AAK1: variants seen among roughly 807,000 people sequenced by gnomAD.
The protein encoded by AAK1 is AP2 associated kinase 1, also known as AP2-associated protein kinase 1.
A neutral mutation model predicts 116.0 loss-of-function variants in AAK1; 37 were observed. That is an observed-to-expected ratio of 0.32 (90% CI 0.25 to 0.42). The LOEUF (loss-of-function observed/expected upper bound fraction) is 0.42, where lower values mean the gene tolerates loss of function less well. Ranked by LOEUF, AAK1 falls within the 10% of genes least tolerant of loss-of-function variation. AAK1 has a pLI of 1.00. For missense variants in AAK1, 919 were observed against 1,170.6 expected (o/e 0.79, Z 3.14); for synonymous variants, 458 against 439.9 (o/e 1.04, Z -0.51).
intron 13 of AAK1, among the ~76,000 whole-genome samples, chr2:69,511,293 C>T (rs1676385671): frequency 6.6e-6 from 1 of 152,174 alleles, no homozygotes; most frequent in Non-Finnish European, 1.5e-5. Flanking sequence ...TATTGACTGC[C>T]CTCATCTTGT....
chr2:69,476,965 T>A lies in AAK1; in HGVS notation c.2706A>T (p.Ser902=), dbSNP rs1572876517. The part of the protein sequence containing the change: ...HKAAEDSNLI[S]GFDVPEGSDK... ...CCGAGCCCTCAGGGACATCAAAACC[T>A]GAGATGAGATTACTATCTTCTGCAG... Residue 902 remains serine, a synonymous_variant, in exon 21 of 22, where the codon TCA becomes TCT. Coordinates refer to ENST00000409085, the MANE Select transcript of AAK1 (RefSeq NM_014911.5). The A allele has an allele frequency of 1.2e-6, 2 of 1,612,886 alleles. No individual in the cohort carries two copies. The highest frequency in any genetic ancestry group is 2.2e-5 in the East Asian group (1 of 44,822).
chr2:69,492,497 A>G (rs1463983216), intron 17 of AAK1, among the ~76,000 whole-genome samples: 2 of 136,394 alleles, frequency 1.5e-5, no homozygotes, highest in Admixed American at 7.9e-5. Flanking sequence ...TACAGGCGTG[A>G]GCCACCGTGC....
Position 69,468,431 on chromosome 2 carries a change from G to C in AAK1, c.*7438C>G, listed in dbSNP as rs1192997387. Reference sequence around the variant, plus strand: ...GAACCACCTTCCTCACATAGTATCAGTTGGACAAAGTTTTCAGTTGCCAAA... The same window carrying C: ...GAACCACCTTCCTCACATAGTATCACTTGGACAAAGTTTTCAGTTGCCAAA... On this transcript the variant is annotated 3_prime_UTR_variant, in exon 22 of 22. Coordinates refer to ENST00000409085, the MANE Select transcript of AAK1 (RefSeq NM_014911.5). The C allele has an allele frequency of 2.0e-6, 2 of 985,316 alleles. No individual in the cohort carries two copies. Among genetic ancestry groups the C allele is most frequent in the Non-Finnish European group, 2.4e-6 (2 of 829,942 alleles). 61.0% of individuals were successfully genotyped at this position (985,316 alleles called of 1,614,324 possible).
At chr2:69,630,352 G>C (rs1388548852) in intron 2 of AAK1, among the ~76,000 whole-genome samples, 1 of 133,570 alleles carries the variant, frequency 7.5e-6, no homozygotes, top group African/African-American at 2.7e-5. Flanking sequence ...GGGGGGGAGG[G>C]GGAGGGAGAG....
intron 20 of AAK1, chr2:69,478,611 G>T: frequency 4.0e-6 from 1 of 250,404 alleles, no homozygotes. Flanking sequence ...TGCTGCCATG[G>T]CTGGCTAATT....
Position 69,459,016 on chromosome 2 carries a change from G to T in AAK1, c.*16853C>A, listed in dbSNP as rs1366161806. 6.6e-6 allele frequency: 1 copy of T among 152,092 alleles called. No homozygotes were observed. The highest frequency in any genetic ancestry group is 1.5e-5 in the Non-Finnish European group (1 of 68,030). 9.4% of individuals were successfully genotyped at this position (152,092 alleles called of 1,614,324 possible). A position where few individuals can be genotyped will look rare whatever the true frequency, so the allele number is the denominator to read the frequency against. ...ACATCCTTCTATTAGAAATGGCTGG[G>T]GGACAGCTGAGAATAAATTTATGGA... is the stretch of plus-strand genomic sequence containing the variant. On this transcript the variant is annotated 3_prime_UTR_variant, in exon 22 of 22. Coordinates refer to ENST00000409085, the MANE Select transcript of AAK1 (RefSeq NM_014911.5).
At chr2:69,554,228 C>T (rs541689092) in intron 3 of AAK1, among the ~76,000 whole-genome samples, 6 of 152,006 alleles carry the variant, frequency 3.9e-5, no homozygotes, top group Non-Finnish European at 5.9e-5. Context: ...AATAATCAGC[C>T]GAGGTTCCTC....
At chr2:69,499,792 GA>G (rs527390682) in intron 16 of AAK1, 1 of 152,224 alleles carries the variant, frequency 6.6e-6, no homozygotes, top group Admixed American at 6.5e-5. Context: ...AGTCATATTT[GA>G]AAAAAATTTA....
chr2:69,522,395 T>G (rs1311402679), intron 10 of AAK1, among the ~76,000 whole-genome samples: 2 of 152,174 alleles, frequency 1.3e-5, no homozygotes, highest in Admixed American at 1.3e-4. Context: ...GATGCTCTTG[T>G]GCCGGTTGGG....
At chr2:69,510,709 T>C (rs1289411913) in intron 13 of AAK1, among the ~76,000 whole-genome samples, 1 of 152,234 alleles carries the variant, frequency 6.6e-6, no homozygotes, top group Non-Finnish European at 1.5e-5. Flanking sequence ...GTTAAGGCTC[T>C]TTATTTCACT....
chr2:69,474,959 C>A lies in AAK1; in HGVS notation c.*910G>T. On this transcript the variant is annotated 3_prime_UTR_variant, in exon 22 of 22. Transcript: ENST00000409085. ...ATCTGTTTCTGCTACAATTCCTTCCCCTCCCCATCCTCCCCCCACCCCCGC... is the reference window on the plus strand; with the variant it reads ...ATCTGTTTCTGCTACAATTCCTTCCACTCCCCATCCTCCCCCCACCCCCGC... 1 of 941,546 alleles carries A rather than the reference C, an allele frequency of 1.1e-6. No homozygotes were observed. Among genetic ancestry groups the A allele is most frequent in the Non-Finnish European group, 1.3e-6 (1 of 791,826 alleles). 58.3% of individuals were successfully genotyped at this position (941,546 alleles called of 1,614,324 possible). A position where few individuals can be genotyped will look rare whatever the true frequency, so the allele number is the denominator to read the frequency against.
At chr2:69,514,833 C>G in intron 12 of AAK1, 84 bp from the exon 13 acceptor site, 1 of 1,434,856 alleles carries the variant, frequency 7.0e-7, no homozygotes, top group South Asian at 1.5e-5. Context: ...CAATGAAGAC[C>G]AGTGCTAAAG....
chr2:69,643,176 T>TG lies in AAK1; in HGVS notation c.-137dup. 7.0e-7 allele frequency: 1 copy of TG among 1,420,544 alleles called. No homozygotes were observed. Among genetic ancestry groups the TG allele is most frequent in the South Asian group, 1.6e-5 (1 of 63,826 alleles). The allele number at this position is 1,420,544 out of a possible 1,614,324, so 88.0% of individuals were successfully genotyped here. Reference sequence around the variant, plus strand: ...GAGAGGAGCCACCCGAATCCGGCCGTGGGGGTGGGGGCTGAGGGAGGATGC... The same window carrying TG: ...GAGAGGAGCCACCCGAATCCGGCCGTGGGGGGTGGGGGCTGAGGGAGGATGC... On this transcript the variant is annotated 5_prime_UTR_variant, in exon 2 of 22. Transcript: ENST00000409085.
At chr2:69,508,899 G>A (rs1209507655) in intron 14 of AAK1, among the ~76,000 whole-genome samples, 1 of 152,204 alleles carries the variant, frequency 6.6e-6, no homozygotes, top group Non-Finnish European at 1.5e-5. Context: ...TCAGCGTGGA[G>A]AGACTCGGTC....
At chr2:69,561,151 T>A (rs13035368) in intron 2 of AAK1, among the ~76,000 whole-genome samples, 4 of 152,134 alleles carry the variant, frequency 2.6e-5, no homozygotes, top group Admixed American at 1.3e-4. Flanking sequence ...AAAACACATC[T>A]GAAAAGCTTT....
rs1674312050 is a variant in AAK1 at position 69,460,458 on chromosome 2, G to A, written c.*15411C>T. ...TACTTTGATTATGCATCAGTGAAAT[G>A]TCCACCAAGCAGTTGAAAACACTGA... On this transcript the variant is annotated 3_prime_UTR_variant, in exon 22 of 22. Coordinates refer to ENST00000409085, the MANE Select transcript of AAK1 (RefSeq NM_014911.5). The A allele has an allele frequency of 6.6e-6, 1 of 152,522 alleles. No homozygotes were observed. The highest frequency in any genetic ancestry group is 1.5e-5 in the Non-Finnish European group (1 of 68,030). 9.4% of individuals were successfully genotyped at this position (152,522 alleles called of 1,614,324 possible).
intron 2 of AAK1, among the ~76,000 whole-genome samples, chr2:69,622,838 C>T (rs554019460): frequency 1.7e-3 from 264 of 152,218 alleles, no homozygotes; most frequent in African/African-American, 6.1e-3. Flanking sequence ...CTAGTGGGGA[C>T]GTGGAGAACT....
intron 2 of AAK1, among the ~76,000 whole-genome samples, chr2:69,570,248 G>T (rs577901504): frequency 1.3e-5 from 2 of 151,638 alleles, no homozygotes; most frequent in South Asian, 4.2e-4. Flanking sequence ...TTCTCAGGAG[G>T]TTCACACATG....
chr2:69,478,830 T>C (rs1674968187), intron 20 of AAK1, 121 bp downstream of exon 20: 1 of 743,316 alleles, frequency 1.3e-6, no homozygotes, highest in South Asian at 1.5e-5. Context: ...AAGTTTTCCA[T>C]ACAAGGAGGT....
Sources: allele counts gnomAD v4.1 joint callset (sites outside exome capture counted in the v4.1 genomes callset), GRCh38; gene constraint gnomAD v4.1.1; transcripts MANE v1.5; gene names NCBI Gene and HGNC (gene_info 2026-07-23, HGNC 2026-07-21).